The following SMYD3 variants were observed in gnomAD, a reference collection of about 807,000 sequenced individuals.
The protein encoded by SMYD3 is histone-lysine N-methyltransferase SMYD3.
In SMYD3, 36 loss-of-function variants were observed where a neutral mutation model predicts 57.7. The ratio of observed to expected loss-of-function variants is 0.62; its 90% CI spans 0.48 to 0.82. The LOEUF (loss-of-function observed/expected upper bound fraction) is 0.82. Ranked by LOEUF, SMYD3 falls within the 40% of genes least tolerant of loss-of-function variation. The pLI, the probability that SMYD3 is intolerant of heterozygous loss-of-function variation, is 0.00. For synonymous variants in SMYD3, 211 were observed against 195.0 expected, an observed-to-expected ratio of 1.08 and a Z score of -0.68; for missense variants, 515 against 538.8, an observed-to-expected ratio of 0.96 and a Z score of 0.44.
intron 1 of SMYD3, among the ~76,000 whole-genome samples, chr1:246,379,518 T>A (rs1449313407): frequency 6.6e-6 from 1 of 152,242 alleles, no homozygotes; most frequent in African/African-American, 2.4e-5. Context: ...TCCTGGTTAT[T>A]TTCAGGTCCT....
intron 1 of SMYD3, among the ~76,000 whole-genome samples, chr1:246,360,470 G>A (rs1345789704): frequency 4.0e-5 from 6 of 151,678 alleles, no homozygotes; most frequent in East Asian, 1.9e-4. Flanking sequence ...AAATTCATAC[G>A]GAACCAAAAA....
At chr1:245,842,755 C>T (rs2050468485) in intron 10 of SMYD3, among the ~76,000 whole-genome samples, 1 of 152,092 alleles carries the variant, frequency 6.6e-6, no homozygotes, top group Non-Finnish European at 1.5e-5. Flanking sequence ...GTTGCCCAGG[C>T]TGGAGTGCAG....
At chr1:246,080,218 G>A (rs1020432438) in intron 5 of SMYD3, among the ~76,000 whole-genome samples, 8 of 131,770 alleles carry the variant, frequency 6.1e-5, no homozygotes, top group South Asian at 2.1e-4. Context: ...TGGGTCACAC[G>A]GCAGGAGGCG....
chr1:245,863,675 A>G, intron 9 of SMYD3, 124 bp downstream of exon 9: 1 of 798,756 alleles, frequency 1.3e-6, no homozygotes, highest in Non-Finnish European at 2.0e-6. Flanking sequence ...TGACCATGGA[A>G]CAGAATGAAA....
At chr1:245,866,066 T>C (rs12750832) in intron 8 of SMYD3, among the ~76,000 whole-genome samples, 49,166 of 151,976 alleles carry the variant, frequency 0.32, 8,918 homozygotes, top group East Asian at 0.77. Flanking sequence ...CATGTGCCCG[T>C]TGAAGGAGGT....
intron 5 of SMYD3, among the ~76,000 whole-genome samples, chr1:246,206,022 C>T (rs2062994679): frequency 6.6e-6 from 1 of 152,124 alleles, no homozygotes; most frequent in South Asian, 2.1e-4. Flanking sequence ...TTCCACGTCT[C>T]AGCTGAGGCT....
chr1:245,883,519 C>A (rs1030192900), intron 8 of SMYD3, among the ~76,000 whole-genome samples: 3 of 152,124 alleles, frequency 2.0e-5, no homozygotes, highest in Non-Finnish European at 2.9e-5. Flanking sequence ...GGGAAAAAAA[C>A]CCCAAAACAT....
intron 5 of SMYD3, among the ~76,000 whole-genome samples, chr1:245,942,159 C>T (rs886125269): frequency 2.6e-5 from 4 of 152,104 alleles, no homozygotes; most frequent in Admixed American, 1.3e-4. Flanking sequence ...GGGCTAAATG[C>T]CCCAATTAAA....
chr1:246,373,162 G>A (rs904572713), intron 1 of SMYD3, among the ~76,000 whole-genome samples: 1 of 151,724 alleles, frequency 6.6e-6, no homozygotes, highest in South Asian at 2.1e-4. Flanking sequence ...TAAATGATAC[G>A]AATTGGGGTG....
chr1:246,106,223 T>G lies in SMYD3; in HGVS notation c.532-176286A>C, dbSNP rs116252297. On this transcript the variant is annotated intron_variant, in intron 5 of 11. Transcript: ENST00000490107. ...TGATACTTCTTGCCATTCATTACAT[T>G]GTAGACATCCTTTGCAACAGGAGAA... 2.5e-3 allele frequency among the ~76,000 whole-genome samples: 385 copies of G among 152,308 alleles called. 1 individual carries two copies. The highest frequency in any genetic ancestry group is 8.7e-3 in the African/African-American group (362 of 41,558).
intron 1 of SMYD3, among the ~76,000 whole-genome samples, chr1:246,482,730 T>C (rs1419472228): frequency 6.6e-6 from 1 of 152,230 alleles, no homozygotes; most frequent in East Asian, 1.9e-4. Context: ...ACAAGTTCCA[T>C]ATGTTTTATA....
Position 246,445,211 on chromosome 1 carries a change from T to A in SMYD3, c.164+61843A>T, listed in dbSNP as rs932407961. On this transcript the variant is annotated intron_variant, in intron 1 of 11. Transcript: ENST00000490107. ...GGAGAGTTTTACTTAATAAAATATGTCCACCAAACAATCTAATTGCTAAGC... is the reference window on the plus strand; with the variant it reads ...GGAGAGTTTTACTTAATAAAATATGACCACCAAACAATCTAATTGCTAAGC... 2.6e-5 allele frequency among the ~76,000 whole-genome samples: 4 copies of A among 152,210 alleles called. No homozygotes were observed. In the South Asian group the frequency reaches 8.3e-4, roughly 32 times the overall value.
At chr1:246,123,412 C>T (rs2061453304) in intron 5 of SMYD3, among the ~76,000 whole-genome samples, 1 of 152,012 alleles carries the variant, frequency 6.6e-6, no homozygotes, top group Non-Finnish European at 1.5e-5. Flanking sequence ...ACTAAAAGTA[C>T]AAAAATTAGC....
intron 1 of SMYD3, among the ~76,000 whole-genome samples, chr1:246,445,004 G>A (rs1329339428): frequency 6.6e-6 from 1 of 152,138 alleles, no homozygotes; most frequent in African/African-American, 2.4e-5. Flanking sequence ...TTATCTCCTT[G>A]GGGCTTTGTT....
chr1:246,436,701 G>A (rs559612453), intron 1 of SMYD3, among the ~76,000 whole-genome samples: 7 of 152,088 alleles, frequency 4.6e-5, no homozygotes, highest in African/African-American at 1.2e-4. Flanking sequence ...GTCCTGCTTC[G>A]TTAGTCTCCT....
chr1:245,895,697 C>T (rs1390382502), intron 8 of SMYD3, among the ~76,000 whole-genome samples: 1 of 152,218 alleles, frequency 6.6e-6, no homozygotes, highest in East Asian at 1.9e-4. Flanking sequence ...CCTCTGTTCC[C>T]CGGTTTTCAC....
At chr1:246,260,306 C>T (rs1017962210) in intron 5 of SMYD3, among the ~76,000 whole-genome samples, 1 of 151,902 alleles carries the variant, frequency 6.6e-6, no homozygotes, top group Non-Finnish European at 1.5e-5. Context: ...GCAGAAAGGG[C>T]CTCCCTACAC....
chr1:245,832,475 TG>T (rs1240678069), intron 10 of SMYD3, among the ~76,000 whole-genome samples: 2 of 22,650 alleles, frequency 8.8e-5, no homozygotes, highest in African/African-American at 1.8e-4. Flanking sequence ...ATCGATTTAA[TG>T]TTTTTTTTGT....
intron 5 of SMYD3, among the ~76,000 whole-genome samples, chr1:246,192,548 G>A (rs1011233001): frequency 3.9e-5 from 6 of 152,178 alleles, no homozygotes; most frequent in African/African-American, 1.4e-4. Context: ...GAGCCACTGT[G>A]CCTAACCTAT....
Sources: allele counts gnomAD v4.1 joint callset (sites outside exome capture counted in the v4.1 genomes callset), GRCh38; gene constraint gnomAD v4.1.1; transcripts MANE v1.5; gene names NCBI Gene and HGNC (gene_info 2026-07-23, HGNC 2026-07-21).